Variants in CENPU observed in about 807,000 individuals in gnomAD.
CENPU encodes the protein centromere protein U, also known as KSHV latent nuclear antigen interacting protein 1.
Under a neutral mutation model 56.7 loss-of-function variants are expected in CENPU, and 46 were observed. The observed-to-expected ratio is 0.81, with a 90% CI of 0.64 to 1.04. CENPU has a LOEUF of 1.04. Ranked by LOEUF, CENPU falls within the 50% of genes least tolerant of loss-of-function variation. CENPU has a pLI of 0.00. For synonymous variants in CENPU, 166 were observed against 163.0 expected, an observed-to-expected ratio of 1.02 and a Z score of -0.14; for missense variants, 510 against 490.1, an observed-to-expected ratio of 1.04 and a Z score of -0.38.
At chr4:184,730,775 GA>G in intron 2 of CENPU, 144 bp downstream of exon 2, 4 of 548,056 alleles carry the variant, frequency 7.3e-6, no homozygotes, top group South Asian at 3.1e-5. Flanking sequence ...CACTATACCG[GA>G]AAAAGTGTGA....
chr4:184,713,102 A>G (rs1308667315), intron 6 of CENPU, 89 bp from the exon 7 acceptor site: 3 of 864,902 alleles, frequency 3.5e-6, no homozygotes, highest in Non-Finnish European at 5.5e-6. Context: ...CTGTCATTCA[A>G]TATTTTAGCT....
At chr4:184,721,241 A>T (rs1259714660) in intron 4 of CENPU, among the ~76,000 whole-genome samples, 1 of 152,116 alleles carries the variant, frequency 6.6e-6, no homozygotes, top group Admixed American at 6.5e-5. Context: ...AACCTCAAAT[A>T]ATAAATACAA....
chr4:184,720,813 T>A (rs1295673849), intron 4 of CENPU, among the ~76,000 whole-genome samples: 2 of 152,018 alleles, frequency 1.3e-5, no homozygotes, highest in African/African-American at 4.8e-5. Flanking sequence ...GAAAAAGAAA[T>A]AAAGACTTTC....
At chr4:184,716,741 A>C (rs1401372701) in intron 5 of CENPU, 108 bp from the exon 6 acceptor site, 1 of 836,104 alleles carries the variant, frequency 1.2e-6, no homozygotes, top group Non-Finnish European at 1.8e-6. Flanking sequence ...TCACTTCTAC[A>C]CTTCAAAATT....
In CENPU at chr4:184,700,699, G is replaced by A. The variant is rs899996138; in HGVS notation, c.986+121C>T. The A allele has an allele frequency of 4.6e-5, 40 of 876,336 alleles. 1 individual carries two copies. The Middle Eastern group carries it at 2.8e-3, about 62-fold the overall frequency. The allele number at this position is 876,336 out of a possible 1,614,324, so 54.3% of individuals were successfully genotyped here. The stretch of plus-strand genomic sequence containing the variant: ...GCATACCCTGCCTTCACTGAGTATC[G>A]GAGCTTGAAGATAACCTGGGGCTTT... On this transcript the variant is annotated intron_variant, in intron 11 of 12. Transcript: ENST00000281453.
intron 12 of CENPU, among the ~76,000 whole-genome samples, chr4:184,696,013 AAAT>A (rs1195295967): frequency 6.6e-6 from 1 of 152,152 alleles, no homozygotes; most frequent in Non-Finnish European, 1.5e-5. Context: ...CATGATTTTG[AAAT>A]AATTAACAAA....
intron 3 of CENPU, among the ~76,000 whole-genome samples, chr4:184,727,077 C>A (rs1579796567): frequency 6.9e-6 from 1 of 144,172 alleles, no homozygotes. Context: ...GATCGCGCCA[C>A]TGCACTTCAG....
At chr4:184,710,859 G>A (rs7659201) in intron 7 of CENPU, among the ~76,000 whole-genome samples, 26,973 of 151,792 alleles carry the variant, frequency 0.18, 2,660 homozygotes, top group African/African-American at 0.26. Context: ...TTTTTTCTTA[G>A]AAAAATTTTT....
In CENPU at chr4:184,730,942, T is replaced by A. The variant is rs762070023; in HGVS notation, c.74A>T (p.Glu25Val). Residue 25 changes from glutamate to valine, a missense_variant, in exon 2 of 13, where the codon GAA becomes GTA. Physicochemically the swap from Glu to Val is moderately radical, Grantham distance 121. Transcript: ENST00000281453. ...TACATCTTTCATGGAATGTGTTCTTTCTAAAGTGTTCTTTGAACGTCTTGC... is the reference window on the plus strand; with the variant it reads ...TACATCTTTCATGGAATGTGTTCTTACTAAAGTGTTCTTTGAACGTCTTGC... Reference protein sequence around the residue: ...EGARRSKNTLERTHSMKDKAG... With the variant: ...EGARRSKNTLVRTHSMKDKAG... 1 of 1,581,976 alleles carries A rather than the reference T, an allele frequency of 6.3e-7. No individual in the cohort carries two copies. The highest frequency in any genetic ancestry group is 8.5e-7 in the Non-Finnish European group (1 of 1,171,006).
chr4:184,728,546 C>G (rs1761532771), intron 3 of CENPU, among the ~76,000 whole-genome samples: 2 of 152,152 alleles, frequency 1.3e-5, no homozygotes, highest in South Asian at 4.1e-4. Flanking sequence ...TCCCCTGCCT[C>G]CATGAGTTTA....
intron 1 of CENPU, among the ~76,000 whole-genome samples, chr4:184,731,463 G>C (rs1761642827): frequency 6.6e-6 from 1 of 152,044 alleles, no homozygotes; most frequent in Non-Finnish European, 1.5e-5. Flanking sequence ...GACCTCCCTT[G>C]ACACTCTCTC....
rs527275460 is a variant in CENPU, at chr4:184,710,099, T to G, written c.770A>C (p.Glu257Ala). ...ATGCTCTAGGTGGGTTTTCTCAAAT[T>G]CAGGCAAAACAATATTCAACTCCTT... is the stretch of plus-strand genomic sequence containing the variant. ...DIKELNIVLP[E>A]FEKTHLEHQQ... is the part of the protein sequence containing the mutation. Residue 257 changes from glutamate (E) to alanine (A), a missense_variant, in exon 8 of 13, where the codon GAA becomes GCA. Coordinates refer to ENST00000281453, the MANE Select transcript of CENPU (RefSeq NM_024629.4). The G allele has an allele frequency of 6.2e-7, 1 of 1,611,160 alleles. No homozygotes were observed. The highest frequency in any genetic ancestry group is 1.1e-5 in the South Asian group (1 of 90,528).
intron 6 of CENPU, among the ~76,000 whole-genome samples, chr4:184,714,653 T>C (rs1232744353): frequency 3.3e-5 from 5 of 151,900 alleles, no homozygotes; most frequent in Non-Finnish European, 5.9e-5. Flanking sequence ...CTGAAAAAAA[T>C]TTTAAAAGGT....
Position 184,694,859 on chromosome 4 carries a change from CT to C in CENPU, c.*428del. ...AGATTTGATAAATATATCATTCAAC[CT>C]GTTTATATAAACTAAGTTTTATTAC... is the stretch of plus-strand genomic sequence containing the variant. On this transcript the variant is annotated 3_prime_UTR_variant, in exon 13 of 13. Coordinates refer to ENST00000281453, the MANE Select transcript of CENPU (RefSeq NM_024629.4). The C allele has an allele frequency of 8.2e-7, 1 of 1,212,686 alleles. No individual in the cohort carries two copies. Among genetic ancestry groups the C allele is most frequent in the South Asian group, 1.5e-5 (1 of 64,958 alleles). 75.1% of individuals were successfully genotyped at this position (1,212,686 alleles called of 1,614,324 possible).
chr4:184,708,568 A>G (rs1760810238), intron 8 of CENPU, among the ~76,000 whole-genome samples: 1 of 152,190 alleles, frequency 6.6e-6, no homozygotes, highest in Non-Finnish European at 1.5e-5. Context: ...GAGCTAAAGA[A>G]CAGATCACAT....
At chr4:184,725,955 A>G (rs1393241908) in intron 3 of CENPU, among the ~76,000 whole-genome samples, 1 of 152,166 alleles carries the variant, frequency 6.6e-6, no homozygotes, top group Non-Finnish European at 1.5e-5. Context: ...TTGGAGAAGA[A>G]GAGGTGGCCA....
At chr4:184,707,388 T>C (rs1760764186) in intron 8 of CENPU, among the ~76,000 whole-genome samples, 1 of 151,980 alleles carries the variant, frequency 6.6e-6, no homozygotes, top group Non-Finnish European at 1.5e-5. Context: ...CTGCAGCAAC[T>C]GAGACCTCTG....
intron 6 of CENPU, among the ~76,000 whole-genome samples, chr4:184,715,170 C>G (rs1761047910): frequency 6.6e-6 from 1 of 152,200 alleles, no homozygotes; most frequent in Admixed American, 6.5e-5. Flanking sequence ...GTGAAGAAGA[C>G]AGGGTGGCAG....
rs1760387085 is a variant in CENPU, at chr4:184,697,737, A to T, written c.1053T>A (p.Leu351=). 2 of 1,612,896 alleles carry T rather than the reference A, an allele frequency of 1.2e-6. No homozygotes were observed. Among genetic ancestry groups the T allele is most frequent in the South Asian group, 2.2e-5 (2 of 90,986 alleles). ...TAGATAAGAAATATGCTGCATTCCTAAGGGAAGACTTTCTCTCTTTAAGTT... is the reference window on the plus strand; with the variant it reads ...TAGATAAGAAATATGCTGCATTCCTTAGGGAAGACTTTCTCTCTTTAAGTT... ...YDELKERKSS[L]RNAAYFLSNL... Residue 351 remains leucine, a synonymous_variant, in exon 12 of 13, where the codon CTT becomes CTA. Coordinates refer to ENST00000281453, the MANE Select transcript of CENPU (RefSeq NM_024629.4).
Sources: gnomAD v4.1 joint callset for allele counts (sites outside exome capture counted in the v4.1 genomes callset) on GRCh38, gnomAD v4.1.1 for gene constraint, MANE v1.5 for transcripts, NCBI Gene and HGNC (gene_info 2026-07-23, HGNC 2026-07-21) for gene names.